The following RNF220 variants were observed in gnomAD, a reference collection of about 807,000 sequenced individuals.
RNF220 encodes E3 ubiquitin-protein ligase RNF220.
Under a neutral mutation model 67.1 loss-of-function variants are expected in RNF220, and 7 were observed. The observed-to-expected ratio is 0.10, with a 90% CI of 0.06 to 0.20. The LOEUF is 0.20. Ranked by LOEUF, RNF220 falls within the 10% of genes least tolerant of loss-of-function variation. The pLI, the probability that RNF220 is intolerant of heterozygous loss-of-function variation, is 1.00. For missense variants in RNF220, 565 were observed against 740.3 expected (o/e 0.76, Z 2.75); for synonymous variants, 270 against 283.2 (o/e 0.95, Z 0.47).
intron 2 of RNF220, among the ~76,000 whole-genome samples, chr1:44,429,170 T>TA (rs34890233): frequency 4.0e-5 from 6 of 150,160 alleles, no homozygotes; most frequent in South Asian, 2.1e-4. Context: ...AACACTAGCT[T>TA]AAAAAAAAAG....
At chr1:44,516,798 C>T (rs918665826) in intron 2 of RNF220, among the ~76,000 whole-genome samples, 2 of 152,152 alleles carry the variant, frequency 1.3e-5, no homozygotes, top group Non-Finnish European at 1.5e-5. Context: ...CCTAACTTCA[C>T]CTTTTTGTCC....
chr1:44,528,242 T>G (rs1660550967), intron 2 of RNF220, among the ~76,000 whole-genome samples: 1 of 151,708 alleles, frequency 6.6e-6, no homozygotes, highest in Admixed American at 6.6e-5. Flanking sequence ...AATATGAACC[T>G]TCATATTAAT....
intron 3 of RNF220, among the ~76,000 whole-genome samples, chr1:44,615,074 T>G (rs1219448300): frequency 4.6e-5 from 7 of 152,078 alleles, no homozygotes. Flanking sequence ...GTCTGGGGGT[T>G]GATGCTGGCT....
intron 2 of RNF220, among the ~76,000 whole-genome samples, chr1:44,594,421 G>A (rs866167965): frequency 1.3e-5 from 2 of 152,210 alleles, no homozygotes; most frequent in African/African-American, 2.4e-5. Context: ...GAGCAGAGCC[G>A]TACGGGGTAA....
intron 2 of RNF220, among the ~76,000 whole-genome samples, chr1:44,462,592 G>T (rs566822036): frequency 6.6e-6 from 1 of 152,282 alleles, no homozygotes; most frequent in Admixed American, 6.5e-5. Flanking sequence ...GAAGTGGAAA[G>T]AAATTCTCTA....
intron 2 of RNF220, among the ~76,000 whole-genome samples, chr1:44,594,494 G>C (rs1666338692): frequency 6.6e-6 from 1 of 152,254 alleles, no homozygotes; most frequent in Non-Finnish European, 1.5e-5. Context: ...AGAGCAGGGA[G>C]AGCCTGTTCT....
At chr1:44,564,215 T>C (rs1181312725) in intron 2 of RNF220, among the ~76,000 whole-genome samples, 1 of 152,202 alleles carries the variant, frequency 6.6e-6, no homozygotes, top group Non-Finnish European at 1.5e-5. Context: ...CCCTCCCTTC[T>C]ACCTTGTCAC....
chr1:44,646,689 G>A (rs1644660036), intron 12 of RNF220, among the ~76,000 whole-genome samples: 1 of 152,184 alleles, frequency 6.6e-6, no homozygotes, highest in Non-Finnish European at 1.5e-5. Flanking sequence ...CTTCCATGAA[G>A]GTACAACCCA....
At chr1:44,485,527 T>C (rs1048368148) in intron 2 of RNF220, among the ~76,000 whole-genome samples, 2 of 152,202 alleles carry the variant, frequency 1.3e-5, no homozygotes, top group East Asian at 1.9e-4. Flanking sequence ...GGGAAAAATA[T>C]AAAGAAAACA....
intron 2 of RNF220, among the ~76,000 whole-genome samples, chr1:44,425,896 G>A (rs1247538482): frequency 6.6e-5 from 10 of 152,134 alleles, no homozygotes; most frequent in Non-Finnish European, 7.3e-5. Flanking sequence ...CAACCTAGAG[G>A]GAGCCCTCTG....
Position 44,405,547 on chromosome 1 carries a change from G to A in RNF220, c.-118+17G>A. The A allele has an allele frequency of 2.4e-6, 1 of 409,766 alleles. No homozygotes were observed. Among genetic ancestry groups the A allele is most frequent in the Non-Finnish European group, 4.4e-6 (1 of 226,560 alleles). 25.4% of individuals were successfully genotyped at this position (409,766 alleles called of 1,614,324 possible). Reference sequence around the variant, plus strand: ...CCACGGCAAGTATGGAGATCAGAAAGGGGTGTGGACGTGTGTGCGTACCCA... The same window carrying A: ...CCACGGCAAGTATGGAGATCAGAAAAGGGTGTGGACGTGTGTGCGTACCCA... On this transcript the variant is annotated intron_variant, in intron 1 of 14. Transcript: ENST00000361799.
rs149377652 is a variant in RNF220 at position 44,456,103 on chromosome 1, A to G, written c.625+43381A>G. Reference sequence around the variant, plus strand: ...TTGGAGAAAGGCCCTAAGACCTTCAAGGGGAAAGAATACACAAAAGCCATT... The same window carrying G: ...TTGGAGAAAGGCCCTAAGACCTTCAGGGGGAAAGAATACACAAAAGCCATT... On this transcript the variant is annotated intron_variant, in intron 2 of 14. Coordinates refer to ENST00000361799, the MANE Select transcript of RNF220 (RefSeq NM_018150.4). 1.2e-4 allele frequency among the ~76,000 whole-genome samples: 19 copies of G among 152,344 alleles called. No homozygotes were observed. In the East Asian group the frequency reaches 3.7e-3, roughly 29 times the overall value.
chr1:44,641,214 C>T (rs764309745), intron 8 of RNF220, among the ~76,000 whole-genome samples: 3 of 152,294 alleles, frequency 2.0e-5, no homozygotes, highest in Non-Finnish European at 4.4e-5. Flanking sequence ...CTACCCACCC[C>T]GCCAGGAATG....
chr1:44,612,306 G>C (rs565862438), intron 2 of RNF220, among the ~76,000 whole-genome samples: 1 of 152,296 alleles, frequency 6.6e-6, no homozygotes, highest in South Asian at 2.1e-4. Flanking sequence ...TGCCAGACCT[G>C]ATATAAATTG....
chr1:44,495,227 CAAAT>C (rs1431399493), intron 2 of RNF220, among the ~76,000 whole-genome samples: 2 of 138,178 alleles, frequency 1.4e-5, no homozygotes, highest in African/African-American at 2.7e-5. Context: ...AACAAATAAA[CAAAT>C]AAAACCAGAA....
intron 5 of RNF220, among the ~76,000 whole-genome samples, chr1:44,629,606 C>T (rs528821140): frequency 2.0e-5 from 3 of 152,142 alleles, no homozygotes; most frequent in East Asian, 3.9e-4. Flanking sequence ...GGGAGGCCAA[C>T]GCAAGTGGAC....
chr1:44,644,732 C>T lies in RNF220; in HGVS notation c.1161C>T (p.Asn387=), dbSNP rs147534605. The T allele has an allele frequency of 4.0e-4, 640 of 1,614,150 alleles. 5 individuals are homozygous for T. The African/African-American group carries it at 6.0e-3, about 15-fold the overall frequency. Residue 387 remains asparagine (N), a synonymous_variant, in exon 9 of 15, where the codon AAC becomes AAT. Coordinates refer to ENST00000361799, the MANE Select transcript of RNF220 (RefSeq NM_018150.4). ...SGFIMCSGKE[N]PDSDADLDVD... is the part of the protein sequence containing the mutation. ...TCATCATGTGCAGCGGCAAAGAGAA[C>T]CCGGACAGTGATGCTGACTTGGATG... is the stretch of plus-strand genomic sequence containing the variant.
At chr1:44,534,774 A>T (rs1661075797) in intron 2 of RNF220, among the ~76,000 whole-genome samples, 1 of 152,228 alleles carries the variant, frequency 6.6e-6, no homozygotes, top group South Asian at 2.1e-4. Context: ...GTTAACCTCA[A>T]GTCTGTGATA....
At chr1:44,604,574 A>G (rs368974265) in intron 2 of RNF220, among the ~76,000 whole-genome samples, 1 of 152,252 alleles carries the variant, frequency 6.6e-6, no homozygotes, top group Non-Finnish European at 1.5e-5. Context: ...TTTAGCTTCT[A>G]TGACCAAGAC....
Sources: gnomAD v4.1 joint callset for allele counts (sites outside exome capture counted in the v4.1 genomes callset) on GRCh38, gnomAD v4.1.1 for gene constraint, MANE v1.5 for transcripts, NCBI Gene and HGNC (gene_info 2026-07-23, HGNC 2026-07-21) for gene names.